Variants in CERS3 observed in about 807,000 individuals in gnomAD.
The protein encoded by CERS3 is ceramide synthase 3.
CERS3 carries 33 observed loss-of-function variants against 50.3 expected under a neutral mutation model. That is an observed-to-expected ratio of 0.66 (90% CI 0.50 to 0.88). The LOEUF is 0.88. Ranked by LOEUF, CERS3 falls within the 40% of genes least tolerant of loss-of-function variation. CERS3 has a pLI of 0.00. For synonymous variants in CERS3, 176 were observed against 155.2 expected (o/e 1.13, Z -0.99); for missense variants, 470 against 460.3 (o/e 1.02, Z -0.19).
chr15:100,479,359 T>C, intron 7 of CERS3, 69 bp downstream of exon 7: 1 of 1,209,530 alleles, frequency 8.3e-7, no homozygotes, highest in African/African-American at 1.5e-5. Flanking sequence ...GACCAAGACG[T>C]AACTAAGGAG....
At chr15:100,501,912 G>T in intron 2 of CERS3, 62 bp from the exon 3 acceptor site, 1 of 1,546,648 alleles carries the variant, frequency 6.5e-7, no homozygotes, top group Non-Finnish European at 8.9e-7. Context: ...GGATAACATT[G>T]ATCACCTTGG....
intron 11 of CERS3, among the ~76,000 whole-genome samples, chr15:100,419,826 A>T (rs1271632165): frequency 6.9e-6 from 1 of 144,588 alleles, no homozygotes; most frequent in Non-Finnish European, 1.5e-5. Flanking sequence ...CTGCTCCTGA[A>T]TGACTACTGG....
chr15:100,449,022 T>TAG (rs1183763172), intron 11 of CERS3, among the ~76,000 whole-genome samples: 2 of 152,198 alleles, frequency 1.3e-5, no homozygotes, highest in African/African-American at 4.8e-5. Context: ...CAGGGCACCC[T>TAG]GCCCCTGCCT....
chr15:100,409,561 A>C (rs2031314226), intron 11 of CERS3, among the ~76,000 whole-genome samples: 1 of 152,186 alleles, frequency 6.6e-6, no homozygotes, highest in South Asian at 2.1e-4. Flanking sequence ...AGTATGCTCT[A>C]GGGGGAACAA....
At chr15:100,467,850 T>TATAGATAGATAGATAGATAGATAGATAG (rs1555528323) in intron 10 of CERS3, among the ~76,000 whole-genome samples, 2 of 93,136 alleles carry the variant, frequency 2.1e-5, no homozygotes, top group Non-Finnish European at 4.6e-5. Flanking sequence ...TATATATATA[T>TATAGATAGATAGATAGATAGATAGATAG]ATAGATAGAT....
rs1167965306 is a variant in CERS3 at position 100,456,072 on chromosome 15, T to C, written c.846-26A>G. On this transcript the variant is annotated intron_variant, in intron 10 of 11. Transcript: ENST00000679737. The stretch of plus-strand genomic sequence containing the variant: ...CTGAAACACCAAACAGTTGAGAGAA[T>C]TTCATTACAACCAAAGCACCTATGA... The C allele has an allele frequency of 1.9e-6, 3 of 1,571,804 alleles. No individual in the cohort carries two copies. The East Asian group carries it at 7.0e-5, about 37-fold the overall frequency.
intron 11 of CERS3, among the ~76,000 whole-genome samples, chr15:100,435,856 A>C (rs967166282): frequency 6.6e-6 from 1 of 152,218 alleles, no homozygotes; most frequent in African/African-American, 2.4e-5. Context: ...CTGTGTGGCC[A>C]ACAAACATTT....
At position 100,464,544 on chromosome 15, in the gene CERS3, C is replaced by T. The variant is rs144990211; in HGVS notation, c.845+4834G>A. Among the ~76,000 whole-genome samples, 231 of 152,332 alleles carry T rather than the reference C, an allele frequency of 1.5e-3. 2 individuals are homozygous for T. The highest frequency in any genetic ancestry group is 4.7e-3 in the African/African-American group (195 of 41,576). ...TCAGGTGGACCTACCTGCGTGGAAC[C>T]ACGATCTGCTCTTGTTATTTGTGGA... On this transcript the variant is annotated intron_variant, in intron 10 of 11. Transcript: ENST00000679737.
rs1173515432 is a variant in CERS3, at chr15:100,400,400, T to C, written c.*2313A>G. On this transcript the variant is annotated 3_prime_UTR_variant, in exon 12 of 12. Coordinates refer to ENST00000679737, the MANE Select transcript of CERS3 (RefSeq NM_001378789.1). The stretch of plus-strand genomic sequence containing the variant: ...GAATCTACTCAATCACCAGGTACAC[T>C]GGACTTTTGGCTTTATTGTAGTCAT... 1 of 152,212 alleles carries C rather than the reference T, an allele frequency of 6.6e-6. No individual in the cohort carries two copies. Among genetic ancestry groups the C allele is most frequent in the Non-Finnish European group, 1.5e-5 (1 of 68,028 alleles). 9.4% of individuals were successfully genotyped at this position (152,212 alleles called of 1,614,324 possible). A position where few individuals can be genotyped will look rare whatever the true frequency, so the allele number is the denominator to read the frequency against.
chr15:100,400,585 G>C lies in CERS3; in HGVS notation c.*2128C>G. On this transcript the variant is annotated 3_prime_UTR_variant, in exon 12 of 12. Coordinates refer to ENST00000679737, the MANE Select transcript of CERS3 (RefSeq NM_001378789.1). Reference sequence around the variant, plus strand: ...ATGAGTATCTACTTCTTATGAAGTAGTTTAGTGCTTTCAGCTGTATCAGAA... The same window carrying C: ...ATGAGTATCTACTTCTTATGAAGTACTTTAGTGCTTTCAGCTGTATCAGAA... 1 of 152,112 alleles carries C rather than the reference G, an allele frequency of 6.6e-6. No homozygotes were observed. The highest frequency in any genetic ancestry group is 1.9e-4 in the East Asian group (1 of 5,182). 9.4% of individuals were successfully genotyped at this position (152,112 alleles called of 1,614,324 possible).
At chr15:100,468,243 G>A (rs1406739327) in intron 10 of CERS3, among the ~76,000 whole-genome samples, 1 of 152,096 alleles carries the variant, frequency 6.6e-6, no homozygotes, top group Non-Finnish European at 1.5e-5. Context: ...AACTAGTTAA[G>A]CCTCATGCCA....
chr15:100,499,730 C>A (rs994780517), intron 3 of CERS3, among the ~76,000 whole-genome samples: 1 of 152,162 alleles, frequency 6.6e-6, no homozygotes, highest in African/African-American at 2.4e-5. Context: ...ATAGTTCAGA[C>A]ATTTTTATGT....
chr15:100,499,672 T>C (rs1322425326), intron 3 of CERS3, among the ~76,000 whole-genome samples: 2 of 152,206 alleles, frequency 1.3e-5, no homozygotes, highest in Admixed American at 6.6e-5. Flanking sequence ...GTGTTAAATA[T>C]ATCAGGATAT....
chr15:100,463,977 T>C lies in CERS3; in HGVS notation c.845+5401A>G, dbSNP rs1423618290. Among the ~76,000 whole-genome samples the C allele has an allele frequency of 3.9e-5, 6 of 152,172 alleles. No homozygotes were observed. The South Asian group carries it at 1.0e-3, about 26-fold the overall frequency. ...AAGAGCACTGTTGGGTGCTTTCAGC[T>C]TTATCTTTCTCTGTTTTTTAAAACT... On this transcript the variant is annotated intron_variant, in intron 10 of 11. Coordinates refer to ENST00000679737, the MANE Select transcript of CERS3 (RefSeq NM_001378789.1).
At chr15:100,434,392 T>C (rs1171133159) in intron 11 of CERS3, among the ~76,000 whole-genome samples, 1 of 152,198 alleles carries the variant, frequency 6.6e-6, no homozygotes, top group Non-Finnish European at 1.5e-5. Flanking sequence ...ATGCGTGCTG[T>C]TCCCAAATCA....
intron 11 of CERS3, among the ~76,000 whole-genome samples, chr15:100,439,869 A>C (rs1192636307): frequency 6.6e-6 from 1 of 152,222 alleles, no homozygotes; most frequent in African/African-American, 2.4e-5. Flanking sequence ...CTGCAATTGG[A>C]AACAGCTTCT....
intron 1 of CERS3, among the ~76,000 whole-genome samples, chr15:100,536,887 A>T (rs2037087328): frequency 6.6e-6 from 1 of 152,250 alleles, no homozygotes; most frequent in African/African-American, 2.4e-5. Flanking sequence ...GGCTGTTGAT[A>T]ACATGTCATA....
At chr15:100,503,874 A>T (rs1009852979) in intron 2 of CERS3, 2 of 401,858 alleles carry the variant, frequency 5.0e-6, no homozygotes, top group African/African-American at 4.1e-5. Flanking sequence ...CGGGTAGAGG[A>T]TAAAGTGAGC....
In CERS3 at chr15:100,420,853, G is replaced by A. The variant is rs571954008; in HGVS notation, c.1000-17988C>T. ...AAACCACATGATTGTCTCAATAGATGCAGAAAAAGCCTTTGACAAAATTCA... is the reference window on the plus strand; with the variant it reads ...AAACCACATGATTGTCTCAATAGATACAGAAAAAGCCTTTGACAAAATTCA... On this transcript the variant is annotated intron_variant, in intron 11 of 11. Transcript: ENST00000679737. 2.0e-5 allele frequency among the ~76,000 whole-genome samples: 3 copies of A among 151,892 alleles called. No homozygotes were observed. In the South Asian group the frequency reaches 6.3e-4, roughly 32 times the overall value.
Sources: gnomAD v4.1 joint callset for allele counts (sites outside exome capture counted in the v4.1 genomes callset) on GRCh38, gnomAD v4.1.1 for gene constraint, MANE v1.5 for transcripts, NCBI Gene and HGNC (gene_info 2026-07-23, HGNC 2026-07-21) for gene names.